Variants in INMT observed in about 807,000 individuals in gnomAD.
The protein encoded by INMT is indolethylamine N-methyltransferase, also known as amine N-methyltransferase.
Under a neutral mutation model 11.5 loss-of-function variants are expected in INMT, and 11 were observed. The ratio of observed to expected loss-of-function variants is 0.95; its 90% CI spans 0.60 to 1.58. INMT has a LOEUF of 1.58. Ranked by LOEUF, INMT falls within the 40% of genes most tolerant of loss-of-function variation. INMT has a pLI of 0.00. For missense variants in INMT, 316 were observed against 336.1 expected (o/e 0.94, Z 0.47); for synonymous variants, 155 against 142.9 (o/e 1.08, Z -0.60).
At position 30,755,500 on chromosome 7, in the gene INMT, C is replaced by A; in HGVS notation, c.441C>A (p.Asn147Lys). 3.1e-6 allele frequency: 5 copies of A among 1,605,378 alleles called. No homozygotes were observed. Among genetic ancestry groups the A allele is most frequent in the Non-Finnish European group, 4.2e-6 (5 of 1,179,970 alleles). Residue 147 changes from asparagine (N) to lysine (K), a missense_variant, in exon 3 of 3, where the codon AAC becomes AAA. Physicochemically the swap from Asn to Lys is moderately conservative, Grantham distance 94. Coordinates refer to ENST00000013222, the MANE Select transcript of INMT (RefSeq NM_006774.5). ...RVLKCDVHLGNPLAPAVLPLA... is the reference protein window; with the variant it reads ...RVLKCDVHLGKPLAPAVLPLA... ...TCAAGTGCGATGTCCACCTGGGCAA[C>A]CCGCTGGCCCCGGCTGTGTTGCCTC...
Position 30,754,012 on chromosome 7 carries a change from G to T in INMT, c.362+74G>T, listed in dbSNP as rs1222478489. 6.8e-7 allele frequency: 1 copy of T among 1,473,726 alleles called. No individual in the cohort carries two copies. The highest frequency in any genetic ancestry group is 2.3e-5 in the East Asian group (1 of 44,034). 91.3% of individuals were successfully genotyped at this position (1,473,726 alleles called of 1,614,324 possible). On this transcript the variant is annotated intron_variant, in intron 2 of 2. Coordinates refer to ENST00000013222, the MANE Select transcript of INMT (RefSeq NM_006774.5). The surrounding 1 kb of genome is among the most constrained non-coding windows in gnomAD (Gnocchi z 4.9). ...CAGAAGTCTCCCTGGCCTCTTTGTT[G>T]TCTCTGACATTTTCAGGACAGTAGG... is the stretch of plus-strand genomic sequence containing the variant.
chr7:30,756,269 T>C lies in INMT; in HGVS notation c.*418T>C. Reference sequence around the variant, plus strand: ...TTTTTTTTTTGAGACGGAGTCTGGCTCTGTCACCCAGGCTAGAGTGCAATG... The same window carrying C: ...TTTTTTTTTTGAGACGGAGTCTGGCCCTGTCACCCAGGCTAGAGTGCAATG... On this transcript the variant is annotated 3_prime_UTR_variant, in exon 3 of 3. Coordinates refer to ENST00000013222, the MANE Select transcript of INMT (RefSeq NM_006774.5). The C allele has an allele frequency of 1.0e-6, 1 of 975,338 alleles. No homozygotes were observed. The highest frequency in any genetic ancestry group is 4.6e-5 in the South Asian group (1 of 21,866). 60.4% of individuals were successfully genotyped at this position (975,338 alleles called of 1,614,324 possible).
At position 30,754,003 on chromosome 7, in the gene INMT, C is replaced by CT; in HGVS notation, c.362+66dup. On this transcript the variant is annotated intron_variant, in intron 2 of 2. Coordinates refer to ENST00000013222, the MANE Select transcript of INMT (RefSeq NM_006774.5). The surrounding 1 kb of genome is among the most constrained non-coding windows in gnomAD (Gnocchi z 4.9). ...CTTCTTTCTCAGAAGTCTCCCTGGC[C>CT]TCTTTGTTGTCTCTGACATTTTCAG... is the stretch of plus-strand genomic sequence containing the variant. 1 of 1,516,520 alleles carries CT rather than the reference C, an allele frequency of 6.6e-7. No homozygotes were observed. Among genetic ancestry groups the CT allele is most frequent in the Non-Finnish European group, 9.1e-7 (1 of 1,103,966 alleles). 93.9% of individuals were successfully genotyped at this position (1,516,520 alleles called of 1,614,324 possible). A position where few individuals can be genotyped will look rare whatever the true frequency, so the allele number is the denominator to read the frequency against.
At position 30,756,421 on chromosome 7, in the gene INMT, T is replaced by TTTTTTTTTTTTA. The variant is rs1554357937; in HGVS notation, c.*570_*571insTTTTTTTTTTTA. 2.6e-5 allele frequency: 4 copies of TTTTTTTTTTTTA among 155,108 alleles called. No individual in the cohort carries two copies. The highest frequency in any genetic ancestry group is 1.0e-4 in the African/African-American group (4 of 39,040). 9.6% of individuals were successfully genotyped at this position (155,108 alleles called of 1,614,324 possible). A position where few individuals can be genotyped will look rare whatever the true frequency, so the allele number is the denominator to read the frequency against. ...CAGCTAATTTTTTTTTTTTTTTTTT[T>TTTTTTTTTTTTA]ATTTGAGACGGAGTTTCGCTCTGTC... On this transcript the variant is annotated 3_prime_UTR_variant, in exon 3 of 3. Transcript: ENST00000013222.
At position 30,754,484 on chromosome 7, in the gene INMT, T is replaced by TCC. The variant is rs1562832804; in HGVS notation, c.362+546_362+547insCC. Among the ~76,000 whole-genome samples the TCC allele has an allele frequency of 5.6e-4, 84 of 150,582 alleles. No individual in the cohort carries two copies. The highest frequency in any genetic ancestry group is 1.8e-3 in the African/African-American group (72 of 40,892). Reference sequence around the variant, plus strand: ...ACCCACCCATCCATTCATCCATCCATATCCATCCATCCATCCATCCATCCA... The same window carrying TCC: ...ACCCACCCATCCATTCATCCATCCATCCATCCATCCATCCATCCATCCATCCA... On this transcript the variant is annotated intron_variant, in intron 2 of 2. Transcript: ENST00000013222. This position sits in a 1 kb window ranked among gnomAD's most constrained non-coding sequence, Gnocchi z 4.9.
rs551271613 is a variant in INMT, at chr7:30,754,777, C to T, written c.363-645C>T. 4.6e-5 allele frequency among the ~76,000 whole-genome samples: 7 copies of T among 152,272 alleles called. No individual in the cohort carries two copies. In the South Asian group the frequency reaches 1.2e-3, roughly 27 times the overall value. On this transcript the variant is annotated intron_variant, in intron 2 of 2. Transcript: ENST00000013222. This position sits in a 1 kb window ranked among gnomAD's most constrained non-coding sequence, Gnocchi z 4.9. ...TGACTGACTATATAATGTATAATGA[C>T]GTGAACTCACCACCCAACCTGAGTA...
At chr7:30,755,282 C>T (rs557933424) in intron 2 of INMT, 140 bp from the exon 3 acceptor site, 1 of 707,198 alleles carries the variant, frequency 1.4e-6, no homozygotes, top group Non-Finnish European at 2.3e-6. Context: ...GAAGAAGAGC[C>T]TGCTGTCAGG....
chr7:30,752,924 C>T (rs112803944), intron 1 of INMT, among the ~76,000 whole-genome samples: 5,329 of 152,300 alleles, frequency 0.035, 302 homozygotes, highest in African/African-American at 0.12. Flanking sequence ...ACTCAAGCAG[C>T]CGTGTCCTCA....
chr7:30,752,179 A>C lies in INMT; in HGVS notation c.29A>C (p.Glu10Ala). Residue 10 changes from glutamate (E) to alanine (A), a missense_variant, in exon 1 of 3, where the codon GAG (glutamate) becomes GCG (alanine). Coordinates refer to ENST00000013222, the MANE Select transcript of INMT (RefSeq NM_006774.5). MKGGFTGGD[E>A]YQKHFLPRDY... ...AAGGGTGGCTTCACTGGGGGTGATG[A>C]GTACCAGAAGCACTTCCTGCCCAGG... 6.2e-7 allele frequency: 1 copy of C among 1,614,042 alleles called. No individual in the cohort carries two copies. Among genetic ancestry groups the C allele is most frequent in the Non-Finnish European group, 8.5e-7 (1 of 1,179,946 alleles).
rs1025236195 is a variant in INMT at position 30,754,140 on chromosome 7, A to G, written c.362+202A>G. On this transcript the variant is annotated intron_variant, in intron 2 of 2. Coordinates refer to ENST00000013222, the MANE Select transcript of INMT (RefSeq NM_006774.5). This position sits in a 1 kb window ranked among gnomAD's most constrained non-coding sequence, Gnocchi z 4.9. ...TTAGGGGCAAGACTCTGATCACAGG[A>G]CTATGTTGAGGTGTGATATAGTCAA... Among the ~76,000 whole-genome samples, 2 of 152,188 alleles carry G rather than the reference A, an allele frequency of 1.3e-5. No individual in the cohort carries two copies. The highest frequency in any genetic ancestry group is 4.8e-5 in the African/African-American group (2 of 41,426).
chr7:30,756,078 C>T lies in INMT; in HGVS notation c.*227C>T, dbSNP rs115948145. On this transcript the variant is annotated 3_prime_UTR_variant, in exon 3 of 3. Coordinates refer to ENST00000013222, the MANE Select transcript of INMT (RefSeq NM_006774.5). ...ATTTTCCATTTTCTAATATACTAAGCCTTACAGCTATCTTAGATGCGATCT... is the reference window on the plus strand; with the variant it reads ...ATTTTCCATTTTCTAATATACTAAGTCTTACAGCTATCTTAGATGCGATCT... 1.8e-4 allele frequency: 247 copies of T among 1,360,494 alleles called. 1 individual carries two copies. The African/African-American group carries it at 3.4e-3, about 19-fold the overall frequency. 84.3% of individuals were successfully genotyped at this position (1,360,494 alleles called of 1,614,324 possible).
rs766618146 is a variant in INMT at position 30,755,799 on chromosome 7, C to T, written c.740C>T (p.Ala247Val). 37 of 1,613,980 alleles carry T rather than the reference C, an allele frequency of 2.3e-5. No individual in the cohort carries two copies. The highest frequency in any genetic ancestry group is 1.6e-4 in the Middle Eastern group (1 of 6,080). ...CCCCAGAGCTACTCTGTCACCAATG[C>T]TGCCAACAATGGGGTCTGCTTCATT... ...HSPQSYSVTN[A>V]ANNGVCFIVA... Residue 247 changes from alanine to valine, a missense_variant, in exon 3 of 3, where the codon GCT becomes GTT. By Grantham distance (64) the Ala-to-Val change is moderately conservative (BLOSUM62 0). Transcript: ENST00000013222.
rs1334310876 is a variant in INMT at position 30,753,823 on chromosome 7, C to G, written c.247C>G (p.Leu83Val). The G allele has an allele frequency of 1.9e-6, 3 of 1,614,220 alleles. No individual in the cohort carries two copies. The highest frequency in any genetic ancestry group is 2.5e-6 in the Non-Finnish European group (3 of 1,180,040). ...CTGTGATTCCTTCCAAGACATCACT[C>G]TCTCCGACTTTACCGACCGCAACCG... Reference protein sequence around the residue: ...AACDSFQDITLSDFTDRNREE... With the variant: ...AACDSFQDITVSDFTDRNREE... The change falls in exon 2 of 3, where the codon CTC (leucine) becomes GTC (valine). Residue 83 changes from leucine to valine, a missense_variant. Transcript: ENST00000013222.
Position 30,753,948 on chromosome 7 carries a change from C to T in INMT, c.362+10C>T, listed in dbSNP as rs1292817025. The stretch of plus-strand genomic sequence containing the variant: ...AGCTGGAAGGAAACAGGTAGGGGTG[C>T]AGAGGTTGGGGAGGGGGTTCCCAGT... On this transcript the variant is annotated intron_variant, in intron 2 of 2. Coordinates refer to ENST00000013222, the MANE Select transcript of INMT (RefSeq NM_006774.5). 5.0e-6 allele frequency: 8 copies of T among 1,612,450 alleles called. No individual in the cohort carries two copies. Among genetic ancestry groups the T allele is most frequent in the Non-Finnish European group, 6.8e-6 (8 of 1,179,318 alleles).
Position 30,755,791 on chromosome 7 carries a change from C to T in INMT, c.732C>T (p.Val244=), listed in dbSNP as rs762498858. The change falls in exon 3 of 3, where the codon GTC becomes GTT. Residue 244 remains valine, a synonymous_variant. Transcript: ENST00000013222. ...QLLHSPQSYS[V]TNAANNGVCF... is the part of the protein sequence containing the mutation. ...TACACAGTCCCCAGAGCTACTCTGTCACCAATGCTGCCAACAATGGGGTCT... is the reference window on the plus strand; with the variant it reads ...TACACAGTCCCCAGAGCTACTCTGTTACCAATGCTGCCAACAATGGGGTCT... The T allele has an allele frequency of 1.7e-5, 27 of 1,614,008 alleles. No homozygotes were observed. The highest frequency in any genetic ancestry group is 1.3e-4 in the African/African-American group (10 of 74,930).
At position 30,755,469 on chromosome 7, in the gene INMT, G is replaced by C; in HGVS notation, c.410G>C (p.Arg137Pro). The C allele has an allele frequency of 1.9e-6, 3 of 1,601,056 alleles. No individual in the cohort carries two copies. Among genetic ancestry groups the C allele is most frequent in the Non-Finnish European group, 2.5e-6 (3 of 1,179,890 alleles). Residue 137 changes from arginine (R) to proline (P), a missense_variant, in exon 3 of 3, where the codon CGG (arginine) becomes CCG (proline). Physicochemically the swap from Arg to Pro is moderately radical, Grantham distance 103. Coordinates refer to ENST00000013222, the MANE Select transcript of INMT (RefSeq NM_006774.5). ...GAGAAGCTGCGGGCAGCGGTGAAGC[G>C]GGTGCTCAAGTGCGATGTCCACCTG... ...KEEKLRAAVK[R>P]VLKCDVHLGN... is the part of the protein sequence containing the mutation.
In INMT at chr7:30,755,811, G is replaced by T; in HGVS notation, c.752G>T (p.Gly251Val). 6.2e-7 allele frequency: 1 copy of T among 1,613,756 alleles called. No individual in the cohort carries two copies. The highest frequency in any genetic ancestry group is 8.5e-7 in the Non-Finnish European group (1 of 1,179,730). Residue 251 changes from glycine to valine, a missense_variant, in exon 3 of 3, where the codon GGG becomes GTG. Physicochemically the swap from Gly to Val is moderately radical, Grantham distance 109. Coordinates refer to ENST00000013222, the MANE Select transcript of INMT (RefSeq NM_006774.5). ...SYSVTNAANN[G>V]VCFIVARKKP... ...TCTGTCACCAATGCTGCCAACAATG[G>T]GGTCTGCTTCATTGTGGCTCGCAAG...
Position 30,752,321 on chromosome 7 carries a change from C to A in INMT, c.154+17C>A. ...TCGGCCCTGGTGAGCAGAGGGTGGCCCTTCCCCTTGAGCCTCTCTCCAAGG... is the reference window on the plus strand; with the variant it reads ...TCGGCCCTGGTGAGCAGAGGGTGGCACTTCCCCTTGAGCCTCTCTCCAAGG... On this transcript the variant is annotated intron_variant, in intron 1 of 2. Coordinates refer to ENST00000013222, the MANE Select transcript of INMT (RefSeq NM_006774.5). The A allele has an allele frequency of 6.2e-7, 1 of 1,605,004 alleles. No homozygotes were observed. The highest frequency in any genetic ancestry group is 8.5e-7 in the Non-Finnish European group (1 of 1,172,332).
In INMT at chr7:30,755,803, C is replaced by T. The variant is rs35221354; in HGVS notation, c.744C>T (p.Ala248=). 13,917 of 1,613,998 alleles carry T rather than the reference C, an allele frequency of 8.6e-3. 1,001 individuals are homozygous for T. In the African/African-American group the frequency reaches 0.16, roughly 19 times the overall value. The change falls in exon 3 of 3, where the codon GCC becomes GCT. Residue 248 remains alanine (A), a synonymous_variant. Transcript: ENST00000013222. ...SPQSYSVTNA[A]NNGVCFIVAR... is the part of the protein sequence containing the mutation. ...AGAGCTACTCTGTCACCAATGCTGC[C>T]AACAATGGGGTCTGCTTCATTGTGG...
Sources: allele counts gnomAD v4.1 joint callset (sites outside exome capture counted in the v4.1 genomes callset), GRCh38; gene constraint gnomAD v4.1.1; non-coding constraint Gnocchi (gnomAD v3.1); transcripts MANE v1.5; gene names NCBI Gene and HGNC (gene_info 2026-07-23, HGNC 2026-07-21).